RGS22: variants seen among roughly 807,000 people sequenced by gnomAD.
RGS22 encodes the protein regulator of G-protein signaling 22.
A neutral mutation model predicts 172.9 loss-of-function variants in RGS22; 148 were observed. That is an observed-to-expected ratio of 0.86 (90% CI 0.75 to 0.98). RGS22 has a LOEUF of 0.98. Among genes scored for constraint, RGS22 ranks in the 50% least tolerant of loss-of-function variants. The pLI is 0.00. For synonymous variants in RGS22, 458 were observed against 480.2 expected, an observed-to-expected ratio of 0.95 and a Z score of 0.60; for missense variants, 1,347 against 1,440.8, an observed-to-expected ratio of 0.93 and a Z score of 1.05.
At chr8:100,001,205 T>TATATATATATATATACATAC (rs1185153209) in intron 18 of RGS22, among the ~76,000 whole-genome samples, 5 of 132,426 alleles carry the variant, frequency 3.8e-5, no homozygotes, top group Non-Finnish European at 7.9e-5. Flanking sequence ...CAATTTTTTA[T>TATATATATATATATACATAC]ATATATATAT....
intron 24 of RGS22, among the ~76,000 whole-genome samples, chr8:99,963,559 C>T (rs893972031): frequency 6.6e-6 from 1 of 152,202 alleles, no homozygotes; most frequent in African/African-American, 2.4e-5. Context: ...TAACCCTTTA[C>T]ATCCACAGGT....
rs1298991328 is a variant in RGS22, at chr8:100,004,057, A to G, written c.2496T>C (p.Ser832=). 2 of 1,606,340 alleles carry G rather than the reference A, an allele frequency of 1.2e-6. No individual in the cohort carries two copies. The highest frequency in any genetic ancestry group is 1.7e-5 in the Admixed American group (1 of 59,216). Residue 832 remains serine, a synonymous_variant, in exon 17 of 28, where the codon TCT becomes TCC. Transcript: ENST00000360863. ...CEIGTGILSL[S]NVSKRTEYWD... is the part of the protein sequence containing the mutation. ...AATATTCTGTTCGTTTAGAGACGTTAGAGAGTGATAAAATGCCAGTTCCAA... is the reference window on the plus strand; with the variant it reads ...AATATTCTGTTCGTTTAGAGACGTTGGAGAGTGATAAAATGCCAGTTCCAA...
At chr8:100,057,418 A>C (rs1427650403) in intron 9 of RGS22, among the ~76,000 whole-genome samples, 1 of 152,082 alleles carries the variant, frequency 6.6e-6, no homozygotes, top group Non-Finnish European at 1.5e-5. Flanking sequence ...GATTTCTGGG[A>C]GGGGCCAGGG....
chr8:99,965,408 T>C lies in RGS22; in HGVS notation c.3542A>G (p.Asn1181Ser). The change falls in exon 24 of 28, where the codon AAT becomes AGT. Residue 1181 changes from asparagine to serine, a missense_variant. Transcript: ENST00000360863. ...SGKDGIKQYA[N>S]TSVPAIKTAL... The stretch of plus-strand genomic sequence containing the variant: ...AGTTTTGATAGCAGGCACTGAAGTA[T>C]TTGCATATTGTTTGATTCCATCCTG... The C allele has an allele frequency of 6.2e-7, 1 of 1,612,390 alleles. No individual in the cohort carries two copies. The highest frequency in any genetic ancestry group is 8.5e-7 in the Non-Finnish European group (1 of 1,178,784).
chr8:99,962,000 T>C (rs1340426800), intron 27 of RGS22, among the ~76,000 whole-genome samples: 3 of 152,194 alleles, frequency 2.0e-5, no homozygotes, highest in Non-Finnish European at 2.9e-5. Context: ...CTAACACTAG[T>C]ATCCAATCAA....
chr8:99,965,385 T>C lies in RGS22; in HGVS notation c.3565A>G (p.Thr1189Ala). 6.2e-7 allele frequency: 1 copy of C among 1,613,714 alleles called. No homozygotes were observed. Among genetic ancestry groups the C allele is most frequent in the South Asian group, 1.1e-5 (1 of 91,028 alleles). The part of the protein sequence containing the change: ...YANTSVPAIK[T>A]ALLSDSFLGL... The stretch of plus-strand genomic sequence containing the variant: ...AGGAAGGAATCACTGAGTAAAGCAG[T>C]TTTGATAGCAGGCACTGAAGTATTT... Residue 1189 changes from threonine to alanine, a missense_variant, in exon 24 of 28, where the codon ACT becomes GCT. Transcript: ENST00000360863.
chr8:100,074,972 A>G (rs569104987), intron 4 of RGS22, among the ~76,000 whole-genome samples: 4 of 152,098 alleles, frequency 2.6e-5, no homozygotes, highest in Non-Finnish European at 4.4e-5. Context: ...GAGTTTCACC[A>G]TGTTAGCCAG....
chr8:100,003,434 G>GA (rs956408185), intron 17 of RGS22, among the ~76,000 whole-genome samples: 3 of 151,738 alleles, frequency 2.0e-5, no homozygotes, highest in African/African-American at 7.3e-5. Flanking sequence ...ATATTAATAG[G>GA]AAAAAAATAT....
chr8:100,040,808 G>C (rs904574686), intron 12 of RGS22, among the ~76,000 whole-genome samples: 4 of 152,026 alleles, frequency 2.6e-5, no homozygotes, highest in Admixed American at 6.5e-5. Context: ...GACAATAATG[G>C]TATAAAAAAT....
intron 11 of RGS22, among the ~76,000 whole-genome samples, chr8:100,043,986 T>C (rs892343163): frequency 3.9e-5 from 6 of 152,082 alleles, no homozygotes; most frequent in African/African-American, 1.4e-4. Context: ...TTTGATGAAA[T>C]GAACAAATTC....
chr8:99,966,547 T>C (rs1355076273), intron 23 of RGS22, among the ~76,000 whole-genome samples: 2 of 152,132 alleles, frequency 1.3e-5, no homozygotes, highest in Non-Finnish European at 2.9e-5. Context: ...TTTCAATTAA[T>C]ACAAATCTTT....
intron 24 of RGS22, 121 bp downstream of exon 24, chr8:99,965,214 A>G (rs1426460687): frequency 7.4e-6 from 4 of 540,556 alleles, no homozygotes; most frequent in Non-Finnish European, 1.3e-5. Context: ...TCCTACTATT[A>G]TAATTGTAGG....
Position 100,080,143 on chromosome 8 carries a change from G to C in RGS22, c.330C>G (p.Tyr110Ter). ...PDEDETINVN[Y>*]NIMCLSREEG... is the part of the protein sequence containing the mutation. ...CAGTATACTTTCTTACCATAATATT[G>C]TAGTTGACATTAATGGTCTCATCTT... is the stretch of plus-strand genomic sequence containing the variant. The change falls in exon 4 of 28, where the codon TAC (tyrosine) becomes TAG (stop). Residue 110 changes from tyrosine to a stop codon, truncating the protein, a stop_gained. Coordinates refer to ENST00000360863, the MANE Select transcript of RGS22 (RefSeq NM_015668.5). LOFTEE classifies it high-confidence loss of function. 1.3e-6 allele frequency: 2 copies of C among 1,589,542 alleles called. No individual in the cohort carries two copies. Among genetic ancestry groups the C allele is most frequent in the Non-Finnish European group, 1.7e-6 (2 of 1,158,864 alleles).
chr8:99,987,380 A>C, intron 21 of RGS22, 78 bp downstream of exon 21: 1 of 1,118,276 alleles, frequency 8.9e-7, no homozygotes, highest in Non-Finnish European at 1.3e-6. Context: ...TCTTGTGCAT[A>C]AAGTTAGTTA....
At chr8:100,093,220 G>GTA (rs1327438590) in intron 3 of RGS22, 4 of 418,360 alleles carry the variant, frequency 9.6e-6, no homozygotes, top group Non-Finnish European at 8.7e-6. Flanking sequence ...TGTACAGAAT[G>GTA]CTTTTTAATG....
rs531913129 is a variant in RGS22, at chr8:99,995,420, G to A, written c.3018+1042C>T. ...ACGAAGAGCTCAAACAAATTTACAA[G>A]AAAAAAACAACCCCATCAAAAAGTG... On this transcript the variant is annotated intron_variant, in intron 20 of 27. Coordinates refer to ENST00000360863, the MANE Select transcript of RGS22 (RefSeq NM_015668.5). Among the ~76,000 whole-genome samples, 1,224 of 152,032 alleles carry A rather than the reference G, an allele frequency of 8.1e-3. 16 individuals are homozygous for A. Among genetic ancestry groups the A allele is most frequent in the African/African-American group, 0.028 (1,153 of 41,500 alleles).
chr8:100,039,378 CT>C (rs56745564), intron 13 of RGS22, among the ~76,000 whole-genome samples: 110,205 of 123,496 alleles, frequency 0.89, 48,872 homozygotes, highest in East Asian at 0.97. Flanking sequence ...CAGTTAAATA[CT>C]TTTTTTTTTT....
chr8:100,027,306 C>A (rs1228344667), intron 14 of RGS22, among the ~76,000 whole-genome samples: 2 of 152,046 alleles, frequency 1.3e-5, no homozygotes, highest in African/African-American at 4.8e-5. Context: ...TATCTCCTTC[C>A]CCCACTAGAG....
chr8:100,056,277 A>G (rs1230640347), intron 9 of RGS22, among the ~76,000 whole-genome samples: 1 of 152,182 alleles, frequency 6.6e-6, no homozygotes, highest in Non-Finnish European at 1.5e-5. Flanking sequence ...CGAAGCATTC[A>G]AGGGGAAGCA....
Sources: gnomAD v4.1 joint callset for allele counts (sites outside exome capture counted in the v4.1 genomes callset) on GRCh38, gnomAD v4.1.1 for gene constraint, MANE v1.5 for transcripts, NCBI Gene and HGNC (gene_info 2026-07-23, HGNC 2026-07-21) for gene names.